DENND1A: variants seen among roughly 807,000 people sequenced by gnomAD.
The protein encoded by DENND1A is DENN domain containing 1A.
In DENND1A, 51 loss-of-function variants were observed where a neutral mutation model predicts 113.7. The observed-to-expected ratio is 0.45, with a 90% CI of 0.36 to 0.57. The LOEUF is 0.57. Among genes scored for constraint, DENND1A ranks in the 20% least tolerant of loss-of-function variants. DENND1A has a pLI of 0.00. For synonymous variants in DENND1A, 565 were observed against 570.8 expected (o/e 0.99, Z 0.14); for missense variants, 1,258 against 1,395.9 (o/e 0.90, Z 1.57).
At chr9:123,499,079 A>G (rs1415877042) in intron 13 of DENND1A, among the ~76,000 whole-genome samples, 1 of 148,466 alleles carries the variant, frequency 6.7e-6, no homozygotes, top group Non-Finnish European at 1.5e-5. Flanking sequence ...TGTTGCCCAG[A>G]CTGGAGTGCA....
At chr9:123,427,301 T>C (rs982252738) in intron 19 of DENND1A, among the ~76,000 whole-genome samples, 4 of 152,256 alleles carry the variant, frequency 2.6e-5, no homozygotes, top group Admixed American at 6.5e-5. Context: ...TTTTCACAGA[T>C]GTGGCACAGA....
intron 13 of DENND1A, among the ~76,000 whole-genome samples, chr9:123,498,953 C>T (rs2052205552): frequency 6.6e-6 from 1 of 151,670 alleles, no homozygotes. Flanking sequence ...GAACTCCTGA[C>T]CTCAAGTGAT....
chr9:123,690,279 T>C (rs930170496), intron 5 of DENND1A, among the ~76,000 whole-genome samples: 6 of 152,220 alleles, frequency 3.9e-5, no homozygotes, highest in African/African-American at 1.4e-4. Flanking sequence ...TATGGGATTG[T>C]AGAAAATCTT....
At chr9:123,896,867 G>C (rs1341212751) in intron 1 of DENND1A, among the ~76,000 whole-genome samples, 2 of 152,102 alleles carry the variant, frequency 1.3e-5, no homozygotes, top group Non-Finnish European at 1.5e-5. Flanking sequence ...AAACGCAGAA[G>C]TAAAACATTA....
intron 21 of DENND1A, among the ~76,000 whole-genome samples, chr9:123,392,918 G>A (rs560172527): frequency 6.6e-6 from 1 of 152,264 alleles, no homozygotes; most frequent in South Asian, 2.1e-4. Flanking sequence ...ATGATGTTTG[G>A]TTTTCCATTC....
At chr9:123,645,159 G>A (rs531023135) in intron 9 of DENND1A, among the ~76,000 whole-genome samples, 9 of 152,076 alleles carry the variant, frequency 5.9e-5, no homozygotes, top group Admixed American at 2.0e-4. Context: ...GAGAAACCCC[G>A]AAATGCATAT....
chr9:123,544,250 C>A (rs760144466), intron 13 of DENND1A, among the ~76,000 whole-genome samples: 2 of 152,086 alleles, frequency 1.3e-5, no homozygotes, highest in Admixed American at 1.3e-4. Flanking sequence ...AAGTTTTCAT[C>A]CAATTATCAC....
intron 4 of DENND1A, among the ~76,000 whole-genome samples, chr9:123,763,145 A>G (rs1428308858): frequency 1.3e-5 from 2 of 152,098 alleles, no homozygotes; most frequent in Non-Finnish European, 2.9e-5. Context: ...ATCAAGAGAA[A>G]AACACAGTCT....
chr9:123,909,919 A>AT (rs1422066092), intron 1 of DENND1A, among the ~76,000 whole-genome samples: 1 of 152,216 alleles, frequency 6.6e-6, no homozygotes, highest in Non-Finnish European at 1.5e-5. Flanking sequence ...TTAAAAAGCA[A>AT]TGCCATTTAC....
At chr9:123,483,224 G>T (rs993969476) in intron 13 of DENND1A, among the ~76,000 whole-genome samples, 2 of 152,114 alleles carry the variant, frequency 1.3e-5, no homozygotes, top group African/African-American at 2.4e-5. Flanking sequence ...GGTAGTACTC[G>T]CCAGGGTCTC....
At chr9:123,435,032 G>A (rs1325795086) in intron 19 of DENND1A, among the ~76,000 whole-genome samples, 1 of 152,204 alleles carries the variant, frequency 6.6e-6, no homozygotes, top group African/African-American at 2.4e-5. Context: ...GGCGGAGCCT[G>A]GCTCTGGATG....
intron 2 of DENND1A, among the ~76,000 whole-genome samples, chr9:123,833,964 G>A (rs1840681057): frequency 6.6e-6 from 1 of 152,184 alleles, no homozygotes; most frequent in African/African-American, 2.4e-5. Context: ...GCTGAGGCAG[G>A]AGAATTGCTT....
intron 13 of DENND1A, among the ~76,000 whole-genome samples, chr9:123,466,297 TTTTA>T (rs1459078546): frequency 2.0e-5 from 3 of 151,942 alleles, no homozygotes; most frequent in African/African-American, 2.4e-5. Context: ...GTGCCTGCCT[TTTTA>T]TTTATTTATT....
intron 12 of DENND1A, among the ~76,000 whole-genome samples, chr9:123,569,295 G>A (rs2058229447): frequency 2.0e-5 from 3 of 152,284 alleles, no homozygotes; most frequent in South Asian, 4.1e-4. Flanking sequence ...AAGATAAAAT[G>A]TAGCTTTTAA....
chr9:123,821,345 C>G (rs1838432412), intron 2 of DENND1A, among the ~76,000 whole-genome samples: 1 of 151,748 alleles, frequency 6.6e-6, no homozygotes. Context: ...TCTAAATTTT[C>G]CAAAATAAAT....
chr9:123,440,836 T>C (rs568596700), intron 18 of DENND1A, among the ~76,000 whole-genome samples: 10 of 152,380 alleles, frequency 6.6e-5, no homozygotes, highest in Admixed American at 2.0e-4. Flanking sequence ...TCACAGCTCA[T>C]GCATAATTTT....
At chr9:123,740,910 G>GAGAGAGAC (rs1272536273) in intron 5 of DENND1A, among the ~76,000 whole-genome samples, 5 of 118,622 alleles carry the variant, frequency 4.2e-5, no homozygotes, top group African/African-American at 1.6e-4. Flanking sequence ...GAGAGAGAGA[G>GAGAGAGAC]AGAGAGAGAG....
chr9:123,826,533 T>C (rs1191326872), intron 2 of DENND1A, among the ~76,000 whole-genome samples: 1 of 152,208 alleles, frequency 6.6e-6, no homozygotes, highest in East Asian at 1.9e-4. Context: ...TTCCTCCACC[T>C]TACTTCCAGA....
chr9:123,885,217 A>C (rs1285398085), intron 1 of DENND1A, among the ~76,000 whole-genome samples: 1 of 152,212 alleles, frequency 6.6e-6, no homozygotes, highest in Non-Finnish European at 1.5e-5. Flanking sequence ...TCTATATCGC[A>C]GACCAATTAA....
Sources: allele counts gnomAD v4.1 joint callset (sites outside exome capture counted in the v4.1 genomes callset), GRCh38; gene constraint gnomAD v4.1.1; transcripts MANE v1.5; gene names NCBI Gene and HGNC (gene_info 2026-07-23, HGNC 2026-07-21).